Variants in NCBP1 observed in about 807,000 individuals in gnomAD.
The protein encoded by NCBP1 is nuclear cap binding protein subunit 1.
A neutral mutation model predicts 111.7 loss-of-function variants in NCBP1; 16 were observed. That is an observed-to-expected ratio of 0.14 (90% CI 0.10 to 0.22). The LOEUF is 0.22. NCBP1 is among the 10% of genes least tolerant of loss of function. The pLI, the probability that NCBP1 is intolerant of heterozygous loss-of-function variation, is 1.00. For missense variants in NCBP1, 607 were observed against 957.5 expected (o/e 0.63, Z 4.83); for synonymous variants, 304 against 314.3 (o/e 0.97, Z 0.35).
chr9:97,655,471 A>G (rs953803147), intron 12 of NCBP1, among the ~76,000 whole-genome samples: 1 of 152,316 alleles, frequency 6.6e-6, no homozygotes, highest in Admixed American at 6.5e-5. Context: ...TGTGAGAATT[A>G]AATAATAAAC....
intron 6 of NCBP1, among the ~76,000 whole-genome samples, chr9:97,645,977 A>G (rs528252809): frequency 6.6e-6 from 1 of 152,340 alleles, no homozygotes; most frequent in Non-Finnish European, 1.5e-5. Flanking sequence ...ATGTTTGTTT[A>G]TAAAAGACAT....
intron 10 of NCBP1, among the ~76,000 whole-genome samples, chr9:97,651,653 T>C (rs998066867): frequency 1.3e-5 from 2 of 152,232 alleles, no homozygotes; most frequent in African/African-American, 4.8e-5. Context: ...TTGTGGATAA[T>C]GTAAGTTACC....
Position 97,654,916 on chromosome 9 carries a change from G to A in NCBP1, c.1207G>A (p.Asp403Asn), listed in dbSNP as rs757052791. Reference protein sequence around the residue: ...QATEMLYMRLDTMNTTCVDRF... With the variant: ...QATEMLYMRLNTMNTTCVDRF... ...AACTGAAATGCTATACATGCGTTTG[G>A]ACACAATGAACACTACCTGTGTAGA... The change falls in exon 12 of 23, where the codon GAC becomes AAC. Residue 403 changes from aspartate (D) to asparagine (N), a missense_variant. Asp to Asn is a conservative substitution (Grantham distance 23). Around this residue, in one of 9 missense-constraint regions of NCBP1, gnomAD observed 21 missense variants for 19.6 expected, o/e 1.07. Coordinates refer to ENST00000375147, the MANE Select transcript of NCBP1 (RefSeq NM_002486.5). 3.3e-5 allele frequency: 53 copies of A among 1,611,540 alleles called. No homozygotes were observed. Among genetic ancestry groups the A allele is most frequent in the Admixed American group, 5.0e-5 (3 of 59,468 alleles).
chr9:97,641,435 G>T, intron 2 of NCBP1, 127 bp from the exon 3 acceptor site: 1 of 689,966 alleles, frequency 1.4e-6, no homozygotes, highest in Non-Finnish European at 2.0e-6. Flanking sequence ...TGAAAGGACA[G>T]ATGATTGGTA....
rs531112448 is a variant in NCBP1, at chr9:97,633,947, C to T, written c.34+32C>T. 153 of 1,566,628 alleles carry T rather than the reference C, an allele frequency of 9.8e-5. 3 individuals are homozygous for T. In the South Asian group the frequency reaches 1.5e-3, roughly 16 times the overall value. The stretch of plus-strand genomic sequence containing the variant: ...GCCTGCGGCCCGGCCACGGAGGCCG[C>T]TCCCGGTTGGGAGCCGAGGCTCGGC... On this transcript the variant is annotated intron_variant, in intron 1 of 22. Transcript: ENST00000375147.
At chr9:97,652,634 G>A (rs1054246434) in intron 10 of NCBP1, among the ~76,000 whole-genome samples, 3 of 152,228 alleles carry the variant, frequency 2.0e-5, no homozygotes, top group African/African-American at 7.2e-5. Context: ...TAAATAAATA[G>A]TGTTCATGAA....
At chr9:97,670,587 T>C (rs1367445876) in intron 22 of NCBP1, among the ~76,000 whole-genome samples, 2 of 152,248 alleles carry the variant, frequency 1.3e-5, no homozygotes, top group Non-Finnish European at 2.9e-5. Flanking sequence ...GATTTTATAG[T>C]TACTGCCAGT....
chr9:97,651,026 ATCTAC>A (rs977910602), intron 9 of NCBP1, among the ~76,000 whole-genome samples: 1 of 152,048 alleles, frequency 6.6e-6, no homozygotes, highest in African/African-American at 2.4e-5. Flanking sequence ...TATGAGAGTG[ATCTAC>A]TCTATTAAAA....
At chr9:97,639,671 A>G (rs1178221788) in intron 1 of NCBP1, among the ~76,000 whole-genome samples, 1 of 152,158 alleles carries the variant, frequency 6.6e-6, no homozygotes, top group Non-Finnish European at 1.5e-5. Flanking sequence ...CGAAAATTGG[A>G]TTGTATTAGA....
At chr9:97,666,739 A>C (rs1466037772) in intron 19 of NCBP1, 24 bp from the exon 20 acceptor site, 3 of 1,468,248 alleles carry the variant, frequency 2.0e-6, no homozygotes, top group Non-Finnish European at 2.8e-6. Flanking sequence ...GACATACAGT[A>C]ACCAAATGCC....
rs942574475 is a variant in NCBP1 at position 97,671,276 on chromosome 9, C to T, written c.*77C>T. ...GTCTTATTTTTTGATGGTTTGAATG[C>T]TTGCTTTCTTGTAGTATCCTTTCAC... On this transcript the variant is annotated 3_prime_UTR_variant, in exon 23 of 23. Coordinates refer to ENST00000375147, the MANE Select transcript of NCBP1 (RefSeq NM_002486.5). The T allele has an allele frequency of 2.9e-6, 3 of 1,046,860 alleles. No individual in the cohort carries two copies. Among genetic ancestry groups the T allele is most frequent in the Non-Finnish European group, 4.3e-6 (3 of 700,462 alleles). The allele number at this position is 1,046,860 out of a possible 1,614,324, so 64.8% of individuals were successfully genotyped here.
intron 16 of NCBP1, 97 bp from the exon 17 acceptor site, chr9:97,661,945 G>C (rs1166431884): frequency 3.9e-6 from 3 of 762,694 alleles, no homozygotes; most frequent in Non-Finnish European, 6.6e-6. Context: ...AAATATCTGT[G>C]TATAGATGTG....
chr9:97,658,306 A>G (rs554292085), intron 14 of NCBP1, among the ~76,000 whole-genome samples: 127 of 152,270 alleles, frequency 8.3e-4, no homozygotes, highest in African/African-American at 2.8e-3. Context: ...CTTGGCTTCC[A>G]TTATCCTCAA....
intron 10 of NCBP1, among the ~76,000 whole-genome samples, chr9:97,653,196 G>A (rs1194453742): frequency 4.8e-5 from 7 of 145,578 alleles, no homozygotes; most frequent in Admixed American, 1.4e-4. Flanking sequence ...CCTCAACTCA[G>A]TGCAACCTCC....
chr9:97,640,933 CTG>C lies in NCBP1; in HGVS notation c.123+54_123+55del, dbSNP rs542266519. On this transcript the variant is annotated intron_variant, in intron 2 of 22. Coordinates refer to ENST00000375147, the MANE Select transcript of NCBP1 (RefSeq NM_002486.5). Reference sequence around the variant, plus strand: ...GTGATGGGTTTAAGAATGTGGTTAACTGTGCTTTGATTAATTTTTGCAGCTGA... The same window carrying C: ...GTGATGGGTTTAAGAATGTGGTTAACTGCTTTGATTAATTTTTGCAGCTGA... The C allele has an allele frequency of 2.1e-4, 284 of 1,351,848 alleles. 2 individuals carry two copies. In the South Asian group the frequency reaches 3.6e-3, roughly 17 times the overall value. 83.7% of individuals were successfully genotyped at this position (1,351,848 alleles called of 1,614,324 possible). A position where few individuals can be genotyped will look rare whatever the true frequency, so the allele number is the denominator to read the frequency against.
chr9:97,637,086 G>A (rs945856068), intron 1 of NCBP1, among the ~76,000 whole-genome samples: 1 of 152,116 alleles, frequency 6.6e-6, no homozygotes, highest in Non-Finnish European at 1.5e-5. Context: ...AGTGAGTGAG[G>A]GGGAAGTTGT....
chr9:97,658,876 C>T, intron 15 of NCBP1, 133 bp downstream of exon 15: 1 of 682,690 alleles, frequency 1.5e-6, no homozygotes, highest in East Asian at 2.7e-5. Context: ...GAAAGGTGGT[C>T]TATCATTAGC....
chr9:97,666,793 A>G lies in NCBP1; in HGVS notation c.1932A>G (p.Thr644=), dbSNP rs1828016784. The G allele has an allele frequency of 6.2e-7, 1 of 1,608,484 alleles. No individual in the cohort carries two copies. Among genetic ancestry groups the G allele is most frequent in the South Asian group, 1.1e-5 (1 of 89,436 alleles). The change falls in exon 20 of 23, where the codon ACA becomes ACG. Residue 644 remains threonine (T), a synonymous_variant. Transcript: ENST00000375147. ...TTGTTTGGGAAATTTTGCACTCTACAATTCGTAAGATGAACAAACATGTCC... is the reference window on the plus strand; with the variant it reads ...TTGTTTGGGAAATTTTGCACTCTACGATTCGTAAGATGAACAAACATGTCC... The part of the protein sequence containing the change: ...RLFVWEILHS[T]IRKMNKHVLK...
Position 97,648,288 on chromosome 9 carries a change from G to C in NCBP1, c.897+65G>C, listed in dbSNP as rs143709483. On this transcript the variant is annotated intron_variant, in intron 8 of 22. Transcript: ENST00000375147. ...TGCATTGTGCTTGTGGGTTAATCCCGCTTGAATTATGCCTGTGGTATGTTT... is the reference window on the plus strand; with the variant it reads ...TGCATTGTGCTTGTGGGTTAATCCCCCTTGAATTATGCCTGTGGTATGTTT... 1,602 of 1,428,438 alleles carry C rather than the reference G, an allele frequency of 1.1e-3. 3 individuals carry two copies. Among genetic ancestry groups the C allele is most frequent in the Non-Finnish European group, 1.4e-3 (1,448 of 1,020,930 alleles). The allele number at this position is 1,428,438 out of a possible 1,614,324, so 88.5% of individuals were successfully genotyped here.
Sources: gnomAD v4.1 joint callset for allele counts (sites outside exome capture counted in the v4.1 genomes callset) on GRCh38, gnomAD v4.1.1 for gene constraint, gnomAD v4.1.1 regional missense constraint, MANE v1.5 for transcripts, NCBI Gene and HGNC (gene_info 2026-07-23, HGNC 2026-07-21) for gene names.